Variants in VPS50 observed in about 807,000 individuals in gnomAD.
VPS50 encodes the protein VPS50 subunit of EARP/GARPII complex.
VPS50 carries 70 observed loss-of-function variants against 139.7 expected under a neutral mutation model. That is an observed-to-expected ratio of 0.50 (90% CI 0.41 to 0.61). The LOEUF is 0.61. Among genes scored for constraint, VPS50 ranks in the 20% least tolerant of loss-of-function variants. The pLI is 0.00. For synonymous variants in VPS50, 365 were observed against 376.7 expected (o/e 0.97, Z 0.36); for missense variants, 921 against 1,133.7 (o/e 0.81, Z 2.69).
intron 2 of VPS50, among the ~76,000 whole-genome samples, chr7:93,242,212 T>C (rs1795013652): frequency 6.6e-6 from 1 of 151,786 alleles, no homozygotes; most frequent in African/African-American, 2.4e-5. Flanking sequence ...ATTGGCAGTA[T>C]AGCAGTGAAA....
chr7:93,271,113 A>T (rs1257114537), intron 9 of VPS50, 107 bp from the exon 10 acceptor site: 1 of 1,449,070 alleles, frequency 6.9e-7, no homozygotes, highest in Non-Finnish European at 9.1e-7. Context: ...TACGATCTAT[A>T]CTCTTAATCT....
At chr7:93,236,508 T>A (rs1001836592) in intron 1 of VPS50, among the ~76,000 whole-genome samples, 1 of 152,218 alleles carries the variant, frequency 6.6e-6, no homozygotes, top group African/African-American at 2.4e-5. Flanking sequence ...TTTGGGTAAA[T>A]GAAGAGGCGA....
chr7:93,324,083 C>T (rs1797696728), intron 21 of VPS50, among the ~76,000 whole-genome samples: 1 of 152,092 alleles, frequency 6.6e-6, no homozygotes, highest in Non-Finnish European at 1.5e-5. Context: ...TGGCTAACAA[C>T]CTTAGCAGTC....
At chr7:93,285,954 G>A (rs116848735) in intron 12 of VPS50, among the ~76,000 whole-genome samples, 418 of 152,174 alleles carry the variant, frequency 2.7e-3, no homozygotes, top group Middle Eastern at 0.01. Flanking sequence ...CATGTATGTT[G>A]TCTCTGTTAT....
intron 12 of VPS50, among the ~76,000 whole-genome samples, chr7:93,282,575 C>T (rs1477643887): frequency 6.6e-6 from 1 of 152,192 alleles, no homozygotes; most frequent in Non-Finnish European, 1.5e-5. Flanking sequence ...TCCCTGAGCA[C>T]ATGAATGCTG....
chr7:93,347,117 A>T (rs1459602075), intron 23 of VPS50, among the ~76,000 whole-genome samples: 1 of 148,682 alleles, frequency 6.7e-6, no homozygotes, highest in Non-Finnish European at 1.5e-5. Flanking sequence ...ATGAACTCAA[A>T]CAAGTTTGCA....
chr7:93,242,662 C>T (rs1327842872), intron 2 of VPS50, among the ~76,000 whole-genome samples: 2 of 151,946 alleles, frequency 1.3e-5, no homozygotes, highest in Non-Finnish European at 2.9e-5. Flanking sequence ...AGCTCTGCCT[C>T]ACTTATAACT....
At chr7:93,349,711 G>A (rs554777735) in intron 24 of VPS50, among the ~76,000 whole-genome samples, 164 bp from the exon 25 acceptor site, 16 of 152,116 alleles carry the variant, frequency 1.1e-4, no homozygotes, top group Non-Finnish European at 1.6e-4. Flanking sequence ...TAAGGCCTTT[G>A]CCTTCACTCA....
intron 21 of VPS50, among the ~76,000 whole-genome samples, chr7:93,330,638 C>T (rs1023857378): frequency 6.6e-6 from 1 of 151,204 alleles, no homozygotes; most frequent in Non-Finnish European, 1.5e-5. Flanking sequence ...CCTGTAGTCC[C>T]AGTTACTCGG....
intron 20 of VPS50, among the ~76,000 whole-genome samples, chr7:93,322,457 G>A (rs1298796382): frequency 2.0e-5 from 3 of 151,544 alleles, no homozygotes; most frequent in Non-Finnish European, 2.9e-5. Context: ...AAAATTAGCC[G>A]GGCGTGGTAG....
chr7:93,322,517 G>A (rs200899866), intron 20 of VPS50, among the ~76,000 whole-genome samples: 1 of 147,970 alleles, frequency 6.8e-6, no homozygotes, highest in Admixed American at 6.8e-5. Flanking sequence ...GGAGAATGGC[G>A]TGAACCTGGG....
At position 93,348,760 on chromosome 7, in the gene VPS50, G is replaced by A. The variant is rs1798474652; in HGVS notation, c.2257G>A (p.Val753Met). 1.2e-6 allele frequency: 2 copies of A among 1,613,604 alleles called. No homozygotes were observed. The highest frequency in any genetic ancestry group is 2.2e-5 in the South Asian group (2 of 91,084). Residue 753 changes from valine to methionine, a missense_variant, in exon 24 of 28, where the codon GTG (valine) becomes ATG (methionine). Val to Met is a conservative substitution (Grantham distance 21). Coordinates refer to ENST00000305866, the MANE Select transcript of VPS50 (RefSeq NM_017667.4). ...GTTCCTTCAGCCACATCTGGATGCTGTGATGCCTGCAGTCAAAAAGCCCTT... is the reference window on the plus strand; with the variant it reads ...GTTCCTTCAGCCACATCTGGATGCTATGATGCCTGCAGTCAAAAAGCCCTT... The part of the protein sequence containing the change: ...FEFLQPHLDA[V>M]MPAVKKPFLQ...
At position 93,361,115 on chromosome 7, in the gene VPS50, A is replaced by G. The variant is rs1006986999; in HGVS notation, c.*2679A>G. The G allele has an allele frequency of 6.6e-6, 1 of 151,336 alleles. No homozygotes were observed. Among genetic ancestry groups the G allele is most frequent in the African/African-American group, 2.4e-5 (1 of 41,320 alleles). The allele number at this position is 151,336 out of a possible 1,614,324, so 9.4% of individuals were successfully genotyped here. On this transcript the variant is annotated 3_prime_UTR_variant, in exon 28 of 28. Coordinates refer to ENST00000305866, the MANE Select transcript of VPS50 (RefSeq NM_017667.4). The stretch of plus-strand genomic sequence containing the variant: ...TAGTTGTCTTTTGTAATAAAAAACT[A>G]GATCTGAAGATGAATTGATGAATAC...
rs1798695601 is a variant in VPS50 at position 93,355,969 on chromosome 7, T to G, written c.2664T>G (p.Leu888=). ...ATTTTCAACAGTTTTTAATGAAACT[T>G]GAAAAACTAACAGATATTAGACCCA... ...QLDFQQFLMK[L]EKLTDIRPIP... The change falls in exon 27 of 28, where the codon CTT becomes CTG. Residue 888 remains leucine (L), a synonymous_variant. Transcript: ENST00000305866. 1.9e-6 allele frequency: 3 copies of G among 1,602,052 alleles called. No homozygotes were observed. In the East Asian group the frequency reaches 6.7e-5, roughly 36 times the overall value.
chr7:93,302,999 A>G (rs142728985), intron 16 of VPS50, among the ~76,000 whole-genome samples: 1 of 152,150 alleles, frequency 6.6e-6, no homozygotes, highest in African/African-American at 2.4e-5. Flanking sequence ...TCAGAAAGTG[A>G]TAATTATCTT....
At chr7:93,294,845 T>C (rs1170259413) in intron 14 of VPS50, among the ~76,000 whole-genome samples, 3 of 152,210 alleles carry the variant, frequency 2.0e-5, no homozygotes, top group Non-Finnish European at 2.9e-5. Context: ...AAATCTCCAC[T>C]GGAAATATTC....
intron 20 of VPS50, 40 bp from the exon 21 acceptor site, chr7:93,323,571 A>C: frequency 1.1e-6 from 1 of 887,264 alleles, no homozygotes; most frequent in Admixed American, 3.0e-5. Context: ...ACAGATTTTA[A>C]TTTTGTTCTG....
intron 22 of VPS50, among the ~76,000 whole-genome samples, chr7:93,338,765 C>A (rs1374038358): frequency 6.6e-6 from 1 of 152,122 alleles, no homozygotes; most frequent in Non-Finnish European, 1.5e-5. Flanking sequence ...ATGATCACAT[C>A]TCTATTTGAG....
rs1798812177 is a variant in VPS50 at position 93,360,725 on chromosome 7, A to G, written c.*2289A>G. 1 of 152,046 alleles carries G rather than the reference A, an allele frequency of 6.6e-6. No individual in the cohort carries two copies. Among genetic ancestry groups the G allele is most frequent in the Non-Finnish European group, 1.5e-5 (1 of 67,974 alleles). 9.4% of individuals were successfully genotyped at this position (152,046 alleles called of 1,614,324 possible). A position where few individuals can be genotyped will look rare whatever the true frequency, so the allele number is the denominator to read the frequency against. ...ATTTTCCATGAAAGTTTCCTGTAGA[A>G]TTTACCATGGGAGCATGGTAAATTA... On this transcript the variant is annotated 3_prime_UTR_variant, in exon 28 of 28. Transcript: ENST00000305866.
Sources: gnomAD v4.1 joint callset for allele counts (sites outside exome capture counted in the v4.1 genomes callset) on GRCh38, gnomAD v4.1.1 for gene constraint, MANE v1.5 for transcripts, NCBI Gene and HGNC (gene_info 2026-07-23, HGNC 2026-07-21) for gene names.